The following RYR2 variants were observed in gnomAD, a reference collection of about 807,000 sequenced individuals.
RYR2 encodes the protein cardiac muscle ryanodine receptor-calcium release channel.
Under a neutral mutation model 601.1 loss-of-function variants are expected in RYR2, and 227 were observed. The observed-to-expected ratio is 0.38, with a 90% confidence interval of 0.34 to 0.42. RYR2 has a LOEUF of 0.42. Ranked by LOEUF, RYR2 falls within the 10% of genes least tolerant of loss-of-function variation. RYR2 has a pLI of 1.00. For synonymous variants in RYR2, 2,223 were observed against 2,175.1 expected (o/e 1.02, Z -0.61); for missense variants, 4,646 against 6,156.5 (o/e 0.75, Z 8.21).
chr1:237,493,200 A>G, intron 19 of RYR2, 113 bp downstream of exon 19: 1 of 1,164,874 alleles, frequency 8.6e-7, no homozygotes, highest in African/African-American at 1.5e-5. Flanking sequence ...ATATAGTATT[A>G]TTTTCTGTAT....
At chr1:237,256,225 C>T (rs145714641) in intron 1 of RYR2, among the ~76,000 whole-genome samples, 43 of 152,244 alleles carry the variant, frequency 2.8e-4, no homozygotes, top group African/African-American at 9.1e-4. Flanking sequence ...TGCCTGCCGC[C>T]GTGTAAGATG....
intron 22 of RYR2, 95 bp from the exon 23 acceptor site, chr1:237,506,615 C>T (rs980041691): frequency 9.8e-6 from 7 of 716,284 alleles, no homozygotes; most frequent in African/African-American, 1.8e-5. Flanking sequence ...GTTTATGAGG[C>T]AGTTTTATTT....
intron 1 of RYR2, among the ~76,000 whole-genome samples, chr1:237,126,786 T>A (rs1468393641): frequency 2.6e-5 from 4 of 152,066 alleles, no homozygotes; most frequent in African/African-American, 7.2e-5. Flanking sequence ...TTTATTTATT[T>A]TTTTAAATTT....
At chr1:237,103,312 G>A (rs1668324534) in intron 1 of RYR2, among the ~76,000 whole-genome samples, 1 of 152,196 alleles carries the variant, frequency 6.6e-6, no homozygotes, top group South Asian at 2.1e-4. Flanking sequence ...CACCTACAAC[G>A]GAAGCTGAAA....
Position 237,634,957 on chromosome 1 carries a change from C to A in RYR2, c.6757C>A (p.Leu2253Ile). 6.2e-7 allele frequency: 1 copy of A among 1,607,694 alleles called. No homozygotes were observed. The highest frequency in any genetic ancestry group is 2.2e-5 in the East Asian group (1 of 44,782). ...AAASVMDNNE[L>I]ALALREPDLE... ...AGCTTCGGTGATGGATAATAATGAA[C>A]TAGCATTAGCTCTGCGTGAGCCGGA... Residue 2253 changes from leucine (L) to isoleucine (I), a missense_variant, in exon 44 of 105, where the codon CTA (leucine) becomes ATA (isoleucine). Around this residue, in one of 17 missense-constraint regions of RYR2, gnomAD observed 137 missense variants for 273.6 expected, o/e 0.50. Transcript: ENST00000366574.
intron 1 of RYR2, among the ~76,000 whole-genome samples, chr1:237,104,063 A>G (rs900617723): frequency 6.6e-6 from 1 of 152,006 alleles, no homozygotes; most frequent in African/African-American, 2.4e-5. Context: ...CTTCACTGCA[A>G]ATGCATCGGT....
intron 12 of RYR2, among the ~76,000 whole-genome samples, chr1:237,433,631 T>C (rs1558809973): frequency 6.6e-6 from 1 of 152,158 alleles, no homozygotes; most frequent in African/African-American, 2.4e-5. Context: ...AAAATACATA[T>C]TGGATTCACT....
rs1331814541 is a variant in RYR2 at position 237,654,323 on chromosome 1, G to C, written c.7874G>C (p.Gly2625Ala). 3 of 1,613,942 alleles carry C rather than the reference G, an allele frequency of 1.9e-6. No homozygotes were observed. The highest frequency in any genetic ancestry group is 2.2e-5 in the East Asian group (1 of 44,852). ...ERCWKYYCLP[G>A]GWGNFGAASE... ...TGCTGGAAATATTACTGCCTGCCTG[G>C]AGGGTGGGGAAACTTTGGTGCTGCC... is the stretch of plus-strand genomic sequence containing the variant. The change falls in exon 52 of 105, where the codon GGA (glycine) becomes GCA (alanine). Residue 2625 changes from glycine to alanine, a missense_variant. Physicochemically the swap from Gly to Ala is moderately conservative, Grantham distance 60. Around this residue, in one of 17 missense-constraint regions of RYR2, gnomAD observed 1,497 missense variants for 1,842.6 expected, o/e 0.81. Transcript: ENST00000366574.
chr1:237,830,962 T>C (rs1282826222), intron 103 of RYR2, among the ~76,000 whole-genome samples: 1 of 152,104 alleles, frequency 6.6e-6, no homozygotes, highest in Admixed American at 6.5e-5. Context: ...CGAGTCTCCG[T>C]TTTTCTTCTT....
chr1:237,649,943 T>G lies in RYR2; in HGVS notation c.7579T>G (p.Leu2527Val). ...NRYLCTAVLP[L>V]LTRCAPLFAG... The stretch of plus-strand genomic sequence containing the variant: ...GTACCTTTGCACAGCCGTCTTGCCA[T>G]TGTTAACAAGATGTGCTCCTCTCTT... Residue 2527 changes from leucine to valine, a missense_variant, in exon 50 of 105, where the codon TTG (leucine) becomes GTG (valine). By Grantham distance (32) the Leu-to-Val change is conservative. Around this residue, in one of 17 missense-constraint regions of RYR2, gnomAD observed 1,497 missense variants for 1,842.6 expected, o/e 0.81. Coordinates refer to ENST00000366574, the MANE Select transcript of RYR2 (RefSeq NM_001035.3). 1 of 1,613,882 alleles carries G rather than the reference T, an allele frequency of 6.2e-7. No individual in the cohort carries two copies. Among genetic ancestry groups the G allele is most frequent in the Non-Finnish European group, 8.5e-7 (1 of 1,179,856 alleles).
In RYR2 at chr1:237,062,978, T is replaced by C. The variant is rs564656755; in HGVS notation, c.48+20409T>C. ...TTTACTGTTTTTTTTTTTCTGTTAG[T>C]GCAATGGACTGTTTGTGCCTACCCC... On this transcript the variant is annotated intron_variant, in intron 1 of 104. Coordinates refer to ENST00000366574, the MANE Select transcript of RYR2 (RefSeq NM_001035.3). 2.5e-4 allele frequency among the ~76,000 whole-genome samples: 38 copies of C among 152,126 alleles called. No homozygotes were observed. In the South Asian group the frequency reaches 2.9e-3, roughly 12 times the overall value.
At chr1:237,109,731 AAT>A (rs752471824) in intron 1 of RYR2, among the ~76,000 whole-genome samples, 1,455 of 57,990 alleles carry the variant, frequency 0.025, 15 homozygotes, top group African/African-American at 0.061. Context: ...CAAAAAAAAA[AAT>A]AATAATAATA....
At position 237,160,306 on chromosome 1, in the gene RYR2, A is replaced by G. The variant is rs138689290; in HGVS notation, c.49-110191A>G. ...TCAGTGTTTAGAGGAAATGTTTTTC[A>G]GTGGTGCCAATATGATTCAACAATT... On this transcript the variant is annotated intron_variant, in intron 1 of 104. Coordinates refer to ENST00000366574, the MANE Select transcript of RYR2 (RefSeq NM_001035.3). 4.2e-3 allele frequency among the ~76,000 whole-genome samples: 635 copies of G among 152,332 alleles called. 7 individuals are homozygous for G. The highest frequency in any genetic ancestry group is 0.015 in the African/African-American group (606 of 41,588).
intron 15 of RYR2, among the ~76,000 whole-genome samples, chr1:237,456,128 A>C (rs540314066): frequency 8.5e-5 from 13 of 152,292 alleles, no homozygotes; most frequent in African/African-American, 2.9e-4. Flanking sequence ...AATAATAATA[A>C]AAATAAAGCA....
intron 1 of RYR2, among the ~76,000 whole-genome samples, chr1:237,135,376 C>A (rs1558298000): frequency 1.4e-5 from 2 of 143,738 alleles, no homozygotes; most frequent in Non-Finnish European, 3.1e-5. Flanking sequence ...TTTTATTTTT[C>A]TTTTTTTTTT....
At chr1:237,703,078 A>G (rs1298178481) in intron 66 of RYR2, among the ~76,000 whole-genome samples, 2 of 151,980 alleles carry the variant, frequency 1.3e-5, no homozygotes, top group African/African-American at 4.8e-5. Flanking sequence ...ATATAATGCC[A>G]GATCTATGTT....
chr1:237,616,592 A>G (rs1471625035), intron 37 of RYR2, among the ~76,000 whole-genome samples: 5 of 152,178 alleles, frequency 3.3e-5, no homozygotes, highest in African/African-American at 1.2e-4. Context: ...TTTTGAAAGA[A>G]GGGAACTCTA....
rs561764522 is a variant in RYR2 at position 237,466,080 on chromosome 1, A to G, written c.1613-3012A>G. ...TGCATCAGTTTTAGTGAAAAAATAC[A>G]TATCTATATATCTATGTATCTATAT... On this transcript the variant is annotated intron_variant, in intron 16 of 104. Transcript: ENST00000366574. 5.9e-5 allele frequency among the ~76,000 whole-genome samples: 9 copies of G among 152,350 alleles called. No homozygotes were observed. In the South Asian group the frequency reaches 8.3e-4, roughly 14 times the overall value.
intron 1 of RYR2, among the ~76,000 whole-genome samples, chr1:237,050,370 C>T (rs1205421986): frequency 2.0e-5 from 3 of 152,142 alleles, no homozygotes; most frequent in Non-Finnish European, 2.9e-5. Flanking sequence ...GAGGCGGGAA[C>T]GAGGACACAT....
Sources: allele counts gnomAD v4.1 joint callset (sites outside exome capture counted in the v4.1 genomes callset), GRCh38; gene constraint gnomAD v4.1.1; regional missense constraint gnomAD v4.1.1; transcripts MANE v1.5; gene names NCBI Gene and HGNC (gene_info 2026-07-23, HGNC 2026-07-21).